Variants in HDAC9 observed in about 807,000 individuals in gnomAD.
HDAC9 encodes the protein MEF-2 interacting transcription repressor (MITR) protein.
A neutral mutation model predicts 139.4 loss-of-function variants in HDAC9; 41 were observed. That is an observed-to-expected ratio of 0.29 (90% CI 0.23 to 0.38). The LOEUF (loss-of-function observed/expected upper bound fraction) is 0.38, where lower values mean the gene tolerates loss of function less well. Among genes scored for constraint, HDAC9 ranks in the 10% least tolerant of loss-of-function variants. The pLI is 1.00. For missense variants in HDAC9, 1,147 were observed against 1,297.0 expected (o/e 0.88, Z 1.78); for synonymous variants, 517 against 476.2 (o/e 1.09, Z -1.12).
chr7:18,704,786 A>G (rs1783756903), intron 12 of HDAC9, among the ~76,000 whole-genome samples: 1 of 152,210 alleles, frequency 6.6e-6, no homozygotes, highest in Non-Finnish European at 1.5e-5. Context: ...TAGGTCACAT[A>G]GCCTACATAT....
At position 18,929,994 on chromosome 7, in the gene HDAC9, A is replaced by T. The variant is rs566073017; in HGVS notation, c.2804-5815A>T. 2.6e-5 allele frequency among the ~76,000 whole-genome samples: 4 copies of T among 152,216 alleles called. No homozygotes were observed. In the East Asian group the frequency reaches 7.7e-4, roughly 29 times the overall value. Reference sequence around the variant, plus strand: ...TCTTAGCAGAAACCAACACCTATAAAGTATACAGATTCTTTTGTAGTCAAT... The same window carrying T: ...TCTTAGCAGAAACCAACACCTATAATGTATACAGATTCTTTTGTAGTCAAT... On this transcript the variant is annotated intron_variant, in intron 22 of 25. Coordinates refer to ENST00000686413, the MANE Select transcript of HDAC9 (RefSeq NM_178425.4).
chr7:18,416,850 T>G (rs1313489579), intron 1 of HDAC9, among the ~76,000 whole-genome samples: 1 of 152,188 alleles, frequency 6.6e-6, no homozygotes, highest in South Asian at 2.1e-4. Context: ...ATATTTTGTC[T>G]CTTTGTGTGT....
At chr7:18,796,432 T>A (rs1792805037) in intron 17 of HDAC9, among the ~76,000 whole-genome samples, 1 of 152,200 alleles carries the variant, frequency 6.6e-6, no homozygotes, top group Non-Finnish European at 1.5e-5. Context: ...GGGGTGGGTT[T>A]CCTGTTAATG....
chr7:18,408,326 A>C (rs556535149), intron 1 of HDAC9, among the ~76,000 whole-genome samples: 2 of 152,306 alleles, frequency 1.3e-5, no homozygotes, highest in African/African-American at 4.8e-5. Context: ...GAAGGAAGAG[A>C]ATGAATGAAT....
intron 1 of HDAC9, among the ~76,000 whole-genome samples, chr7:18,433,970 A>G (rs1414957730): frequency 6.6e-6 from 1 of 152,204 alleles, no homozygotes; most frequent in Non-Finnish European, 1.5e-5. Context: ...AGGCAATCCT[A>G]AGCAAAAAGA....
chr7:18,091,880 A>T (rs1177102591), intron 1 of HDAC9, among the ~76,000 whole-genome samples: 1 of 152,168 alleles, frequency 6.6e-6, no homozygotes, highest in Non-Finnish European at 1.5e-5. Flanking sequence ...GGCTGCTGTT[A>T]TTCTTTGCCA....
chr7:18,106,196 G>C (rs1251528685), intron 1 of HDAC9, among the ~76,000 whole-genome samples: 1 of 152,102 alleles, frequency 6.6e-6, no homozygotes, highest in Non-Finnish European at 1.5e-5. Flanking sequence ...AGATTAAAAG[G>C]GTAAATTTTT....
chr7:18,252,562 G>A (rs1040367112), intron 2 of HDAC9, among the ~76,000 whole-genome samples: 9 of 152,154 alleles, frequency 5.9e-5, no homozygotes, highest in East Asian at 5.8e-4. Flanking sequence ...TGTTTTGAAG[G>A]TAAGATTTTT....
intron 2 of HDAC9, among the ~76,000 whole-genome samples, chr7:18,230,806 G>A (rs1437161403): frequency 6.6e-6 from 1 of 152,124 alleles, no homozygotes; most frequent in East Asian, 1.9e-4. Flanking sequence ...ATTATTCACT[G>A]GTGGCAGTAA....
intron 1 of HDAC9, among the ~76,000 whole-genome samples, chr7:18,127,480 A>G (rs1390537330): frequency 6.6e-6 from 1 of 152,018 alleles, no homozygotes; most frequent in African/African-American, 2.4e-5. Flanking sequence ...TTGGCTTATT[A>G]ACCCCATTCT....
chr7:18,916,007 T>G (rs1213111253), intron 22 of HDAC9, among the ~76,000 whole-genome samples: 1 of 108,974 alleles, frequency 9.2e-6, no homozygotes, highest in Admixed American at 1.1e-4. Context: ...CAGACCCTCC[T>G]CTCACCCCCC....
At position 18,574,717 on chromosome 7, in the gene HDAC9, G is replaced by T. The variant is rs564296572; in HGVS notation, c.23-10564G>T. On this transcript the variant is annotated intron_variant, in intron 2 of 25. Coordinates refer to ENST00000686413, the MANE Select transcript of HDAC9 (RefSeq NM_178425.4). ...CCAAAGGAGGCCAAGACGACAGGGG[G>T]CTGGCGTGTCAGTGCTGCCCTGAGC... Among the ~76,000 whole-genome samples the T allele has an allele frequency of 1.1e-4, 16 of 152,366 alleles. No individual in the cohort carries two copies. In the South Asian group the frequency reaches 1.9e-3, roughly 18 times the overall value.
At chr7:18,147,692 T>G (rs1454870230) in intron 1 of HDAC9, among the ~76,000 whole-genome samples, 1 of 151,032 alleles carries the variant, frequency 6.6e-6, no homozygotes, top group African/African-American at 2.4e-5. Flanking sequence ...TTTGTAAAAT[T>G]TCACTCACTG....
chr7:18,282,666 G>C (rs943854064), intron 2 of HDAC9, among the ~76,000 whole-genome samples: 5 of 152,082 alleles, frequency 3.3e-5, no homozygotes, highest in African/African-American at 1.2e-4. Flanking sequence ...GAGGCAAAAG[G>C]ATGTTGCAAT....
At chr7:18,739,311 G>A (rs1430182624) in intron 13 of HDAC9, among the ~76,000 whole-genome samples, 1 of 152,170 alleles carries the variant, frequency 6.6e-6, no homozygotes, top group African/African-American at 2.4e-5. Context: ...TTGCTGGCAA[G>A]GGGCTGAAAT....
intron 17 of HDAC9, among the ~76,000 whole-genome samples, chr7:18,805,268 G>C (rs1793614601): frequency 6.6e-6 from 1 of 152,200 alleles, no homozygotes; most frequent in Non-Finnish European, 1.5e-5. Flanking sequence ...CTTGTTGCAT[G>C]TTGAGCTATA....
intron 6 of HDAC9, among the ~76,000 whole-genome samples, chr7:18,595,861 C>A (rs970960445): frequency 6.6e-6 from 1 of 152,062 alleles, no homozygotes. Flanking sequence ...TTGTGTCCCA[C>A]TGTTGCCATG....
At chr7:18,522,386 A>G (rs1451766749) in intron 2 of HDAC9, among the ~76,000 whole-genome samples, 1 of 152,140 alleles carries the variant, frequency 6.6e-6, no homozygotes, top group African/African-American at 2.4e-5. Flanking sequence ...GAAACTCTTA[A>G]GGAGCCAGGG....
chr7:18,434,212 T>C (rs1376896374), intron 1 of HDAC9, among the ~76,000 whole-genome samples: 1 of 152,226 alleles, frequency 6.6e-6, no homozygotes, highest in African/African-American at 2.4e-5. Flanking sequence ...GCTATCCGTA[T>C]GCAGAAGATT....
Sources: gnomAD v4.1 joint callset for allele counts (sites outside exome capture counted in the v4.1 genomes callset) on GRCh38, gnomAD v4.1.1 for gene constraint, MANE v1.5 for transcripts, NCBI Gene and HGNC (gene_info 2026-07-23, HGNC 2026-07-21) for gene names.